The following RPE variants were observed in gnomAD, a reference collection of about 807,000 sequenced individuals.
RPE encodes ribulose-phosphate 3-epimerase.
Under a neutral mutation model 24.6 loss-of-function variants are expected in RPE, and 16 were observed. The ratio of observed to expected loss-of-function variants is 0.65; its 90% CI spans 0.44 to 0.99. The LOEUF (loss-of-function observed/expected upper bound fraction) is 0.99. Among genes scored for constraint, RPE ranks in the 50% least tolerant of loss-of-function variants. The pLI is 0.00. For missense variants in RPE, 240 were observed against 294.5 expected, an observed-to-expected ratio of 0.81 and a Z score of 1.35; for synonymous variants, 93 against 98.4, an observed-to-expected ratio of 0.94 and a Z score of 0.33.
rs1374407845 is a variant in RPE, at chr2:210,009,649, T to C, written c.123-8T>C. On this transcript the variant is annotated splice_polypyrimidine_tract_variant and splice_region_variant and intron_variant, in intron 1 of 5. Coordinates refer to ENST00000359429, the MANE Select transcript of RPE (RefSeq NM_199229.3). The stretch of plus-strand genomic sequence containing the variant: ...ACATTTTCAGAGTAGATTTTGTTTG[T>C]CTTGTAGGCATTTTGTTCCCAACAT... 6.2e-7 allele frequency: 1 copy of C among 1,614,180 alleles called. No individual in the cohort carries two copies. The highest frequency in any genetic ancestry group is 2.2e-5 in the East Asian group (1 of 44,884).
chr2:210,009,685 C>A lies in RPE; in HGVS notation c.151C>A (p.His51Asn). ...GHFVPNITFG[H>N]PVVESLRKQL... ...TTTTGTTCCCAACATCACCTTTGGT[C>A]ACCCTGTGGTAGAAAGCCTTCGAAA... The change falls in exon 2 of 6, where the codon CAC becomes AAC. Residue 51 changes from histidine to asparagine, a missense_variant. By Grantham distance (68) the His-to-Asn change is moderately conservative. Coordinates refer to ENST00000359429, the MANE Select transcript of RPE (RefSeq NM_199229.3). The A allele has an allele frequency of 6.2e-7, 1 of 1,614,134 alleles. No homozygotes were observed. The highest frequency in any genetic ancestry group is 8.5e-7 in the Non-Finnish European group (1 of 1,180,022).
intron 1 of RPE, among the ~76,000 whole-genome samples, chr2:210,006,775 G>T (rs2093636613): frequency 1.3e-5 from 2 of 152,188 alleles, no homozygotes. Context: ...CAAGTTCTAA[G>T]TAAACACATG....
At position 210,002,656 on chromosome 2, in the gene RPE, A is replaced by C. The variant is rs765099228; in HGVS notation, c.-6A>C. On this transcript the variant is annotated 5_prime_UTR_variant, in exon 1 of 6. Transcript: ENST00000359429. Reference sequence around the variant, plus strand: ...CGTGGGTAACTTGCTTTTGGGAGCCAGCGGTATGGCGTCGGGCTGCAAGAT... The same window carrying C: ...CGTGGGTAACTTGCTTTTGGGAGCCCGCGGTATGGCGTCGGGCTGCAAGAT... 1 of 1,611,668 alleles carries C rather than the reference A, an allele frequency of 6.2e-7. No homozygotes were observed.
chr2:210,018,052 G>A, intron 5 of RPE: 1 of 1,242,600 alleles, frequency 8.0e-7, no homozygotes, highest in Non-Finnish European at 1.1e-6. Context: ...GCCCGTAAGT[G>A]GATATTCTAA....
chr2:210,009,533 T>C, intron 1 of RPE, 124 bp from the exon 2 acceptor site: 1 of 1,281,892 alleles, frequency 7.8e-7, no homozygotes, highest in Non-Finnish European at 1.1e-6. Flanking sequence ...TTAATACTGA[T>C]GATTAAGTAT....
intron 5 of RPE, 78 bp downstream of exon 5, chr2:210,017,637 A>T: frequency 7.6e-7 from 1 of 1,321,464 alleles, no homozygotes; most frequent in Non-Finnish European, 1.1e-6. Flanking sequence ...TGGGCCAGCG[A>T]TTCCCTCTGT....
intron 1 of RPE, among the ~76,000 whole-genome samples, chr2:210,006,844 A>T (rs2093637655): frequency 6.6e-6 from 1 of 152,200 alleles, no homozygotes; most frequent in Non-Finnish European, 1.5e-5. Flanking sequence ...CACTTTTTTA[A>T]TGATAGAAAT....
At chr2:210,013,212 A>T (rs1156253202) in intron 2 of RPE, among the ~76,000 whole-genome samples, 1 of 152,176 alleles carries the variant, frequency 6.6e-6, no homozygotes, top group Non-Finnish European at 1.5e-5. Flanking sequence ...TACAGAACAG[A>T]TGTGAGAATA....
chr2:210,018,623 T>C (rs1200177659), intron 5 of RPE: 2 of 985,210 alleles, frequency 2.0e-6, no homozygotes, highest in Non-Finnish European at 2.4e-6. Context: ...GGCCAGATGA[T>C]GAGTGAGCTC....
In RPE at chr2:210,009,571, C is replaced by T. The variant is rs2093674308; in HGVS notation, c.123-86C>T. Reference sequence around the variant, plus strand: ...AATTGAAAAACATTGCAGACAATCCCCTCAACCTGTGTCAGAATTCATATT... The same window carrying T: ...AATTGAAAAACATTGCAGACAATCCTCTCAACCTGTGTCAGAATTCATATT... On this transcript the variant is annotated intron_variant, in intron 1 of 5. Coordinates refer to ENST00000359429, the MANE Select transcript of RPE (RefSeq NM_199229.3). 3 of 1,526,114 alleles carry T rather than the reference C, an allele frequency of 2.0e-6. No homozygotes were observed. In the South Asian group the frequency reaches 3.4e-5, roughly 17 times the overall value. The allele number at this position is 1,526,114 out of a possible 1,614,324, so 94.5% of individuals were successfully genotyped here.
chr2:210,017,733 C>CTTTTGTTTTTT, intron 5 of RPE, 174 bp downstream of exon 5: 1 of 296,438 alleles, frequency 3.4e-6, no homozygotes. Flanking sequence ...AGTGGATATG[C>CTTTTGTTTTTT]TTTTTTTTTT....
At position 210,019,738 on chromosome 2, in the gene RPE, C is replaced by T. The variant is rs1242398370; in HGVS notation, c.634C>T (p.Leu212=). The stretch of plus-strand genomic sequence containing the variant: ...TGAAGACCCCAGATCTGTGATCAAT[C>T]TATTAAGAAATGTTTGCTCAGAAGC... ...RSEDPRSVIN[L]LRNVCSEAAQ... is the part of the protein sequence containing the mutation. Residue 212 remains leucine, a synonymous_variant, in exon 6 of 6, where the codon CTA becomes TTA. Transcript: ENST00000359429. The T allele has an allele frequency of 6.2e-7, 1 of 1,613,472 alleles. No individual in the cohort carries two copies. The highest frequency in any genetic ancestry group is 1.1e-5 in the South Asian group (1 of 91,042).
chr2:210,018,030 C>A, intron 5 of RPE: 1 of 1,008,444 alleles, frequency 9.9e-7, no homozygotes, highest in Non-Finnish European at 1.4e-6. Flanking sequence ...CAGATGTGAG[C>A]CATGGCGTCT....
chr2:210,008,976 G>A (rs1034632844), intron 1 of RPE, among the ~76,000 whole-genome samples: 1 of 152,218 alleles, frequency 6.6e-6, no homozygotes, highest in Admixed American at 6.5e-5. Context: ...GGTTACAGGC[G>A]TGAGCCACTG....
rs2093793275 is a variant in RPE at position 210,017,680 on chromosome 2, T to C, written c.564+121T>C. 2.3e-6 allele frequency: 2 copies of C among 881,508 alleles called. 1 individual carries two copies. The highest frequency in any genetic ancestry group is 3.2e-5 in the South Asian group (2 of 62,874). The allele number at this position is 881,508 out of a possible 1,614,324, so 54.6% of individuals were successfully genotyped here. A position where few individuals can be genotyped will look rare whatever the true frequency, so the allele number is the denominator to read the frequency against. Reference sequence around the variant, plus strand: ...AAGTTGACTTTCTTTCTTGGAAAAGTATTTTTTGTTCACATGTACAACTAG... The same window carrying C: ...AAGTTGACTTTCTTTCTTGGAAAAGCATTTTTTGTTCACATGTACAACTAG... On this transcript the variant is annotated intron_variant, in intron 5 of 5. Transcript: ENST00000359429.
At chr2:210,009,863 G>A in intron 2 of RPE, 127 bp downstream of exon 2, 2 of 1,255,354 alleles carry the variant, frequency 1.6e-6, no homozygotes, top group African/African-American at 1.5e-5. Flanking sequence ...GGTCTTCATT[G>A]GCCTGACTCC....
intron 2 of RPE, among the ~76,000 whole-genome samples, chr2:210,013,966 G>A (rs1181828198): frequency 6.6e-6 from 1 of 152,184 alleles, no homozygotes; most frequent in Non-Finnish European, 1.5e-5. Context: ...CTGAACCATT[G>A]ACTCCCTGAA....
chr2:210,018,990 A>G (rs1426088111), intron 5 of RPE, among the ~76,000 whole-genome samples: 2 of 152,180 alleles, frequency 1.3e-5, no homozygotes, highest in African/African-American at 2.4e-5. Flanking sequence ...TGTTCTAGCA[A>G]TGAATCACAA....
chr2:210,006,475 T>C (rs1575295266), intron 1 of RPE, among the ~76,000 whole-genome samples: 1 of 152,332 alleles, frequency 6.6e-6, no homozygotes, highest in Middle Eastern at 3.4e-3. Flanking sequence ...ATTGAATTGA[T>C]TTTCAAAAGC....
Sources: allele counts gnomAD v4.1 joint callset (sites outside exome capture counted in the v4.1 genomes callset), GRCh38; gene constraint gnomAD v4.1.1; transcripts MANE v1.5; gene names NCBI Gene and HGNC (gene_info 2026-07-23, HGNC 2026-07-21).